The following RNF182 variants were observed in gnomAD, a reference collection of about 807,000 sequenced individuals.
The protein encoded by RNF182 is ring finger protein 182.
In RNF182, 15 loss-of-function variants were observed where a neutral mutation model predicts 14.4. The ratio of observed to expected loss-of-function variants is 1.04; its 90% CI spans 0.70 to 1.60. The LOEUF is 1.60. RNF182 is among the 40% of genes most tolerant of loss of function. The probability of loss-of-function intolerance (pLI) is 0.00; values close to 1 mark genes in which losing one functional copy is unlikely to be tolerated. For synonymous variants in RNF182, 128 were observed against 122.9 expected (o/e 1.04, Z -0.27); for missense variants, 268 against 294.8 (o/e 0.91, Z 0.67).
At chr6:13,928,444 A>G (rs1236638481) in intron 1 of RNF182, among the ~76,000 whole-genome samples, 1 of 152,188 alleles carries the variant, frequency 6.6e-6, no homozygotes, top group Non-Finnish European at 1.5e-5. Flanking sequence ...TTCTTAATGT[A>G]TGATACCCAA....
chr6:13,938,401 C>T (rs539045535), intron 1 of RNF182, among the ~76,000 whole-genome samples: 2 of 152,136 alleles, frequency 1.3e-5, no homozygotes, highest in South Asian at 4.1e-4. Flanking sequence ...AATTCTTCCA[C>T]ACTGTAGCTT....
Position 13,978,043 on chromosome 6 carries a change from T to C in RNF182, c.*180T>C. The C allele has an allele frequency of 1.4e-6, 1 of 713,554 alleles. No individual in the cohort carries two copies. The highest frequency in any genetic ancestry group is 2.3e-6 in the Non-Finnish European group (1 of 440,186). The allele number at this position is 713,554 out of a possible 1,614,324, so 44.2% of individuals were successfully genotyped here. A position where few individuals can be genotyped will look rare whatever the true frequency, so the allele number is the denominator to read the frequency against. On this transcript the variant is annotated 3_prime_UTR_variant, in exon 3 of 3. Coordinates refer to ENST00000488300, the MANE Select transcript of RNF182 (RefSeq NM_152737.4). ...GGCTGGAAGTAAAAATGTTCATTTC[T>C]ACTTAGGGGTTAGCAAAATTGTATA...
chr6:13,947,869 A>G (rs1360645862), intron 1 of RNF182, among the ~76,000 whole-genome samples: 1 of 152,230 alleles, frequency 6.6e-6, no homozygotes, highest in Non-Finnish European at 1.5e-5. Context: ...GTCTTGTCAC[A>G]AAGGAAAAAT....
chr6:13,944,821 G>T (rs1010410630), intron 1 of RNF182, among the ~76,000 whole-genome samples: 2 of 152,160 alleles, frequency 1.3e-5, no homozygotes, highest in African/African-American at 4.8e-5. Context: ...GTGGAGTTGG[G>T]ATTCCAACCC....
At chr6:13,931,592 A>T (rs9475798) in intron 1 of RNF182, among the ~76,000 whole-genome samples, 89,419 of 151,790 alleles carry the variant, frequency 0.59, 26,856 homozygotes, top group East Asian at 0.81. Flanking sequence ...CTGAATAGTA[A>T]GGAATAAACC....
intron 1 of RNF182, among the ~76,000 whole-genome samples, chr6:13,972,790 T>G (rs1378561405): frequency 1.3e-5 from 2 of 152,052 alleles, no homozygotes; most frequent in Non-Finnish European, 2.9e-5. Context: ...AGGCAGAAGT[T>G]TGCTGCAGGG....
At position 13,980,201 on chromosome 6, in the gene RNF182, T is replaced by A. The variant is rs1332553779; in HGVS notation, c.*2338T>A. 2 of 142,138 alleles carry A rather than the reference T, an allele frequency of 1.4e-5. No individual in the cohort carries two copies. Among genetic ancestry groups the A allele is most frequent in the African/African-American group, 5.1e-5 (2 of 39,388 alleles). The allele number at this position is 142,138 out of a possible 1,614,324, so 8.8% of individuals were successfully genotyped here. ...ACACTTTTAAAAGGCCTTCATAGTT[T>A]TTTTATTTTATTTTATTTTATTTTA... On this transcript the variant is annotated 3_prime_UTR_variant, in exon 3 of 3. Coordinates refer to ENST00000488300, the MANE Select transcript of RNF182 (RefSeq NM_152737.4).
At chr6:13,953,953 T>A (rs1040626672) in intron 1 of RNF182, among the ~76,000 whole-genome samples, 1 of 152,226 alleles carries the variant, frequency 6.6e-6, no homozygotes, top group Non-Finnish European at 1.5e-5. Context: ...AAACAAAGCA[T>A]CCATGAGCAC....
At chr6:13,946,140 C>CATTATTATTATTATTATT (rs200937239) in intron 1 of RNF182, among the ~76,000 whole-genome samples, 46 of 137,408 alleles carry the variant, frequency 3.3e-4, no homozygotes, top group Admixed American at 4.5e-4. Context: ...TAAAGCAAAA[C>CATTATTATTATTATTATT]ATTATTATTA....
chr6:13,977,283 G>C lies in RNF182; in HGVS notation c.164G>C (p.Gly55Ala), dbSNP rs994179039. ...AKCLYKIIDF[G>A]DSPQGVIVCP... ...TGCCTCTACAAGATCATAGACTTTG[G>C]GGACTCCCCACAAGGTGTCATTGTC... Residue 55 changes from glycine (G) to alanine (A), a missense_variant, in exon 3 of 3, where the codon GGG (glycine) becomes GCG (alanine). Coordinates refer to ENST00000488300, the MANE Select transcript of RNF182 (RefSeq NM_152737.4). The C allele has an allele frequency of 1.2e-6, 2 of 1,614,040 alleles. No individual in the cohort carries two copies. Among genetic ancestry groups the C allele is most frequent in the African/African-American group, 2.7e-5 (2 of 74,908 alleles).
At chr6:13,926,161 A>G (rs1236578437) in intron 1 of RNF182, among the ~76,000 whole-genome samples, 4 of 152,368 alleles carry the variant, frequency 2.6e-5, no homozygotes, top group Middle Eastern at 3.4e-3. Context: ...AAAATTGTAT[A>G]TCCAACTTAG....
chr6:13,948,247 T>C (rs2113609124), intron 1 of RNF182, among the ~76,000 whole-genome samples: 1 of 152,284 alleles, frequency 6.6e-6, no homozygotes, highest in South Asian at 2.1e-4. Context: ...AGAGTACTTG[T>C]CAGAGTCCTA....
chr6:13,934,044 A>C (rs1483098944), intron 1 of RNF182, among the ~76,000 whole-genome samples: 2 of 152,340 alleles, frequency 1.3e-5, no homozygotes, highest in African/African-American at 4.8e-5. Flanking sequence ...ATTAAAAAAA[A>C]GAAATGTGGC....
chr6:13,960,641 T>TA (rs1759846352), intron 1 of RNF182, among the ~76,000 whole-genome samples: 2 of 142,984 alleles, frequency 1.4e-5, no homozygotes, highest in African/African-American at 5.4e-5. Context: ...ACTTTTTTGA[T>TA]GGAGGGAGAG....
At chr6:13,945,824 AG>A (rs1038506508) in intron 1 of RNF182, among the ~76,000 whole-genome samples, 3 of 152,184 alleles carry the variant, frequency 2.0e-5, no homozygotes, top group Non-Finnish European at 2.9e-5. Flanking sequence ...GTTACCAGAA[AG>A]GGGTCCCAAA....
chr6:13,940,688 A>AT (rs1460916278), intron 1 of RNF182, among the ~76,000 whole-genome samples: 3 of 151,946 alleles, frequency 2.0e-5, no homozygotes, highest in Non-Finnish European at 2.9e-5. Context: ...TGCTACTTAG[A>AT]TTATTGATTT....
At chr6:13,959,605 T>C (rs1271347165) in intron 1 of RNF182, among the ~76,000 whole-genome samples, 1 of 152,146 alleles carries the variant, frequency 6.6e-6, no homozygotes, top group Admixed American at 6.5e-5. Flanking sequence ...AATTGGAAGA[T>C]TGGAAACATA....
chr6:13,958,068 T>C (rs990726751), intron 1 of RNF182, among the ~76,000 whole-genome samples: 3 of 152,124 alleles, frequency 2.0e-5, no homozygotes, highest in African/African-American at 7.2e-5. Flanking sequence ...TTTTTTTTAA[T>C]GTTTATAGAT....
At chr6:13,972,762 G>A (rs888071598) in intron 1 of RNF182, among the ~76,000 whole-genome samples, 5 of 152,174 alleles carry the variant, frequency 3.3e-5, no homozygotes, top group Non-Finnish European at 7.3e-5. Context: ...GAGGATGTAT[G>A]GAAATGCCTG....
Sources: gnomAD v4.1 joint callset for allele counts (sites outside exome capture counted in the v4.1 genomes callset) on GRCh38, gnomAD v4.1.1 for gene constraint, MANE v1.5 for transcripts, NCBI Gene and HGNC (gene_info 2026-07-23, HGNC 2026-07-21) for gene names.